The following RAMP2 variants were observed in gnomAD, a reference collection of about 807,000 sequenced individuals.
RAMP2 encodes the protein receptor activity modifying protein 2, also known as receptor activity-modifying protein 2.
RAMP2 carries 11 observed loss-of-function variants against 18.2 expected under a neutral mutation model. The observed-to-expected ratio is 0.60, with a 90% CI of 0.38 to 1.00. The LOEUF is 1.00. Among genes scored for constraint, RAMP2 ranks in the 50% least tolerant of loss-of-function variants. The probability of loss-of-function intolerance (pLI) is 0.01; values close to 1 mark genes in which losing one functional copy is unlikely to be tolerated. For synonymous variants in RAMP2, 86 were observed against 90.8 expected (o/e 0.95, Z 0.30); for missense variants, 191 against 226.5 (o/e 0.84, Z 1.01).
chr17:42,761,282 G>C lies in RAMP2; in HGVS notation c.21G>C (p.Glu7Asp). The change falls in exon 1 of 4, where the codon GAG becomes GAC. Residue 7 changes from glutamate to aspartate, a missense_variant. Transcript: ENST00000253796. The surrounding 1 kb of genome is among the most constrained non-coding windows in gnomAD (Gnocchi z 4.2). ...GCACGATGGCCTCGCTCCGGGTGGA[G>C]CGCGCCGGCGGCCCGCGTCTCCCTA... Reference protein sequence around the residue: MASLRVERAGGPRLPRT... With the variant: MASLRVDRAGGPRLPRT... 1.5e-6 allele frequency: 2 copies of C among 1,354,914 alleles called. No homozygotes were observed. The highest frequency in any genetic ancestry group is 1.9e-6 in the Non-Finnish European group (2 of 1,052,360). The allele number at this position is 1,354,914 out of a possible 1,614,324, so 83.9% of individuals were successfully genotyped here. A position where few individuals can be genotyped will look rare whatever the true frequency, so the allele number is the denominator to read the frequency against.
At position 42,761,423 on chromosome 17, in the gene RAMP2, G is replaced by A; in HGVS notation, c.97+65G>A. 1 of 1,221,430 alleles carries A rather than the reference G, an allele frequency of 8.2e-7. No individual in the cohort carries two copies. Among genetic ancestry groups the A allele is most frequent in the African/African-American group, 1.6e-5 (1 of 62,514 alleles). The allele number at this position is 1,221,430 out of a possible 1,614,324, so 75.7% of individuals were successfully genotyped here. On this transcript the variant is annotated intron_variant, in intron 1 of 3. Coordinates refer to ENST00000253796, the MANE Select transcript of RAMP2 (RefSeq NM_005854.3). This position sits in a 1 kb window ranked among gnomAD's most constrained non-coding sequence, Gnocchi z 4.2. Reference sequence around the variant, plus strand: ...AGGCCCCGGAGGGGAGAGGGGAGAGGGGAGAGGGGCTGGATGGCCGAGGCC... The same window carrying A: ...AGGCCCCGGAGGGGAGAGGGGAGAGAGGAGAGGGGCTGGATGGCCGAGGCC...
At position 42,761,249 on chromosome 17, in the gene RAMP2, T is replaced by C. The variant is rs1597884857; in HGVS notation, c.-13T>C. Reference sequence around the variant, plus strand: ...CTCAGCGCCGCCGCCGCTCCTCGCCTCCTTGCTGCACGATGGCCTCGCTCC... The same window carrying C: ...CTCAGCGCCGCCGCCGCTCCTCGCCCCCTTGCTGCACGATGGCCTCGCTCC... On this transcript the variant is annotated 5_prime_UTR_variant, in exon 1 of 4. Transcript: ENST00000253796. This position sits in a 1 kb window ranked among gnomAD's most constrained non-coding sequence, Gnocchi z 4.2. 6.9e-7 allele frequency: 1 copy of C among 1,458,648 alleles called. No individual in the cohort carries two copies. The highest frequency in any genetic ancestry group is 9.0e-7 in the Non-Finnish European group (1 of 1,110,178). 90.4% of individuals were successfully genotyped at this position (1,458,648 alleles called of 1,614,324 possible). A position where few individuals can be genotyped will look rare whatever the true frequency, so the allele number is the denominator to read the frequency against.
rs529179833 is a variant in RAMP2, at chr17:42,761,754, C to G, written c.98-80C>G. ...CCAAGGTAGCCTATTTTCGGAGGGT[C>G]TCAGTCCCCCAACCCCCCTCGCAGG... On this transcript the variant is annotated intron_variant, in intron 1 of 3. Transcript: ENST00000253796. This position sits in a 1 kb window ranked among gnomAD's most constrained non-coding sequence, Gnocchi z 4.2. 59 of 1,240,346 alleles carry G rather than the reference C, an allele frequency of 4.8e-5. No individual in the cohort carries two copies. The African/African-American group carries it at 6.9e-4, about 14-fold the overall frequency. 76.8% of individuals were successfully genotyped at this position (1,240,346 alleles called of 1,614,324 possible). A position where few individuals can be genotyped will look rare whatever the true frequency, so the allele number is the denominator to read the frequency against.
chr17:42,761,772 C>G lies in RAMP2; in HGVS notation c.98-62C>G. The G allele has an allele frequency of 7.0e-7, 1 of 1,424,162 alleles. No individual in the cohort carries two copies. The highest frequency in any genetic ancestry group is 2.3e-5 in the East Asian group (1 of 43,498). 88.2% of individuals were successfully genotyped at this position (1,424,162 alleles called of 1,614,324 possible). On this transcript the variant is annotated intron_variant, in intron 1 of 3. Coordinates refer to ENST00000253796, the MANE Select transcript of RAMP2 (RefSeq NM_005854.3). This position sits in a 1 kb window ranked among gnomAD's most constrained non-coding sequence, Gnocchi z 4.2. ...GGAGGGTCTCAGTCCCCCAACCCCC[C>G]TCGCAGGCTCCACTGCCGGGGTCCC...
In RAMP2 at chr17:42,762,768, C is replaced by T. The variant is rs375082267; in HGVS notation, c.444C>T (p.Ala148=). The T allele has an allele frequency of 1.9e-6, 3 of 1,614,030 alleles. No homozygotes were observed. The highest frequency in any genetic ancestry group is 1.7e-5 in the Admixed American group (1 of 60,006). Residue 148 remains alanine (A), a synonymous_variant, in exon 4 of 4, where the codon GCC becomes GCT. Transcript: ENST00000253796. ...ACCCCCCAGAGGATGTACTCCTGGC[C>T]ATGATCATAGCCCCCATCTGCCTCA... is the stretch of plus-strand genomic sequence containing the variant. ...FSDPPEDVLL[A]MIIAPICLIP... is the part of the protein sequence containing the mutation.
chr17:42,762,531 T>A, intron 3 of RAMP2, 66 bp from the exon 4 acceptor site: 1 of 1,606,812 alleles, frequency 6.2e-7, no homozygotes, highest in Non-Finnish European at 8.5e-7. Flanking sequence ...AGACCCTGAG[T>A]GAGAGTGGGG....
chr17:42,762,323 G>C (rs754753365), intron 2 of RAMP2, 32 bp from the exon 3 acceptor site: 2 of 1,613,910 alleles, frequency 1.2e-6, no homozygotes, highest in South Asian at 1.1e-5. Flanking sequence ...AGGGGTAGGG[G>C]TGTGGTCATT....
At chr17:42,762,040 G>A (rs1206462826) in intron 2 of RAMP2, 141 bp downstream of exon 2, 10 of 923,778 alleles carry the variant, frequency 1.1e-5, no homozygotes, top group South Asian at 8.0e-5. Flanking sequence ...GGGGTTCCTC[G>A]TGGTCTTTCT....
At position 42,762,666 on chromosome 17, in the gene RAMP2, C is replaced by T; in HGVS notation, c.342C>T (p.Pro114=). 1 of 1,614,084 alleles carries T rather than the reference C, an allele frequency of 6.2e-7. No individual in the cohort carries two copies. Among genetic ancestry groups the T allele is most frequent in the Non-Finnish European group, 8.5e-7 (1 of 1,179,958 alleles). ...TGTTTGACCTGGGCTTCCCCAATCCCTTGGCAGAGAGGATCATCTTTGAGA... is the reference window on the plus strand; with the variant it reads ...TGTTTGACCTGGGCTTCCCCAATCCTTTGGCAGAGAGGATCATCTTTGAGA... ...AELFDLGFPN[P]LAERIIFETH... is the part of the protein sequence containing the mutation. Residue 114 remains proline (P), a synonymous_variant, in exon 4 of 4, where the codon CCC becomes CCT. Coordinates refer to ENST00000253796, the MANE Select transcript of RAMP2 (RefSeq NM_005854.3).
rs1165016178 is a variant in RAMP2, at chr17:42,762,439, G to C, written c.248G>C (p.Trp83Ser). ...CAAATGGATCCTATCGAAAAGGATT[G>C]GTGCGACTGGGCCATGATTAGCAGG... is the stretch of plus-strand genomic sequence containing the variant. Reference protein sequence around the residue: ...KDQMDPIEKDWCDWAMISRPY... With the variant: ...KDQMDPIEKDSCDWAMISRPY... The change falls in exon 3 of 4, where the codon TGG (tryptophan) becomes TCG (serine). Residue 83 changes from tryptophan to serine, a missense_variant. By Grantham distance (177) the Trp-to-Ser change is radical. Coordinates refer to ENST00000253796, the MANE Select transcript of RAMP2 (RefSeq NM_005854.3). 6.2e-7 allele frequency: 1 copy of C among 1,613,946 alleles called. No homozygotes were observed. The highest frequency in any genetic ancestry group is 1.3e-5 in the African/African-American group (1 of 74,892).
At position 42,762,681 on chromosome 17, in the gene RAMP2, C is replaced by A; in HGVS notation, c.357C>A (p.Ile119=). ...LGFPNPLAER[I]IFETHQIHFA... ...TCCCCAATCCCTTGGCAGAGAGGATCATCTTTGAGACTCACCAGATCCACT... is the reference window on the plus strand; with the variant it reads ...TCCCCAATCCCTTGGCAGAGAGGATAATCTTTGAGACTCACCAGATCCACT... The change falls in exon 4 of 4, where the codon ATC becomes ATA. Residue 119 remains isoleucine (I), a synonymous_variant. Transcript: ENST00000253796. 1 of 1,614,080 alleles carries A rather than the reference C, an allele frequency of 6.2e-7. No homozygotes were observed. The highest frequency in any genetic ancestry group is 8.5e-7 in the Non-Finnish European group (1 of 1,179,974).
In RAMP2 at chr17:42,761,742, T is replaced by C; in HGVS notation, c.98-92T>C. On this transcript the variant is annotated intron_variant, in intron 1 of 3. Transcript: ENST00000253796. The surrounding 1 kb of genome is among the most constrained non-coding windows in gnomAD (Gnocchi z 4.2). ...CCTCCTTTTCTTCCAAGGTAGCCTA[T>C]TTTCGGAGGGTCTCAGTCCCCCAAC... 9.1e-7 allele frequency: 1 copy of C among 1,095,922 alleles called. No homozygotes were observed. The highest frequency in any genetic ancestry group is 1.4e-6 in the Non-Finnish European group (1 of 728,258). 67.9% of individuals were successfully genotyped at this position (1,095,922 alleles called of 1,614,324 possible).
chr17:42,762,820 T>G lies in RAMP2; in HGVS notation c.496T>G (p.Trp166Gly). The G allele has an allele frequency of 6.2e-7, 1 of 1,612,008 alleles. No individual in the cohort carries two copies. Among genetic ancestry groups the G allele is most frequent in the Non-Finnish European group, 8.5e-7 (1 of 1,178,624 alleles). ...LIPFLITLVV[W>G]RSKDSEAQA ...CCCCTTCCTCATCACTCTTGTAGTA[T>G]GGAGGAGTAAAGACAGTGAGGCCCA... Residue 166 changes from tryptophan to glycine, a missense_variant, in exon 4 of 4, where the codon TGG (tryptophan) becomes GGG (glycine). Physicochemically the swap from Trp to Gly is radical, Grantham distance 184. Transcript: ENST00000253796.
rs1049376094 is a variant in RAMP2 at position 42,762,023 on chromosome 17, C to T, written c.163+124C>T. On this transcript the variant is annotated intron_variant, in intron 2 of 3. Coordinates refer to ENST00000253796, the MANE Select transcript of RAMP2 (RefSeq NM_005854.3). ...ATGCCCCACTACACTCCCCTCTGTT[C>T]TTTCTTGGGGTTCCTCGTGGTCTTT... 5.3e-5 allele frequency: 52 copies of T among 987,706 alleles called. No homozygotes were observed. In the African/African-American group the frequency reaches 7.7e-4, roughly 15 times the overall value. The allele number at this position is 987,706 out of a possible 1,614,324, so 61.2% of individuals were successfully genotyped here.
At position 42,761,228 on chromosome 17, in the gene RAMP2, GCGC is replaced by G; in HGVS notation, c.-24_-22del. On this transcript the variant is annotated 5_prime_UTR_variant, in exon 1 of 4. Coordinates refer to ENST00000253796, the MANE Select transcript of RAMP2 (RefSeq NM_005854.3). The surrounding 1 kb of genome is among the most constrained non-coding windows in gnomAD (Gnocchi z 4.2). ...CGCCCCCACACCCGGGCCCGGCTCA[GCGC>G]CGCCGCCGCTCCTCGCCTCCTTGCT... 8 of 1,416,272 alleles carry G rather than the reference GCGC, an allele frequency of 5.6e-6. No homozygotes were observed. Among genetic ancestry groups the G allele is most frequent in the Admixed American group, 5.0e-5 (2 of 40,004 alleles). 87.7% of individuals were successfully genotyped at this position (1,416,272 alleles called of 1,614,324 possible). A position where few individuals can be genotyped will look rare whatever the true frequency, so the allele number is the denominator to read the frequency against.
chr17:42,761,367 G>A lies in RAMP2; in HGVS notation c.97+9G>A, dbSNP rs1195226646. ...CCTCCTCCTGCTGGGCGGTGAGCGC[G>A]GCGCCCCGAGGCCCGGGCGGGAGGC... On this transcript the variant is annotated intron_variant, in intron 1 of 3. Coordinates refer to ENST00000253796, the MANE Select transcript of RAMP2 (RefSeq NM_005854.3). The surrounding 1 kb of genome is among the most constrained non-coding windows in gnomAD (Gnocchi z 4.2). 7.6e-7 allele frequency: 1 copy of A among 1,323,346 alleles called. No individual in the cohort carries two copies. Among genetic ancestry groups the A allele is most frequent in the South Asian group, 2.1e-5 (1 of 48,710 alleles). 82.0% of individuals were successfully genotyped at this position (1,323,346 alleles called of 1,614,324 possible).
In RAMP2 at chr17:42,761,975, C is replaced by T. The variant is rs2054368218; in HGVS notation, c.163+76C>T. ...TTCAGTGGGGAGGGTTCCTTTCCCACGAGGCCTGCCCAACCCCAGCTGATG... is the reference window on the plus strand; with the variant it reads ...TTCAGTGGGGAGGGTTCCTTTCCCATGAGGCCTGCCCAACCCCAGCTGATG... On this transcript the variant is annotated intron_variant, in intron 2 of 3. Coordinates refer to ENST00000253796, the MANE Select transcript of RAMP2 (RefSeq NM_005854.3). This position sits in a 1 kb window ranked among gnomAD's most constrained non-coding sequence, Gnocchi z 4.2. 5.1e-6 allele frequency: 7 copies of T among 1,363,326 alleles called. No homozygotes were observed. Among genetic ancestry groups the T allele is most frequent in the East Asian group, 2.5e-5 (1 of 40,420 alleles). 84.5% of individuals were successfully genotyped at this position (1,363,326 alleles called of 1,614,324 possible).
rs769611951 is a variant in RAMP2 at position 42,761,793 on chromosome 17, G to T, written c.98-41G>T. The T allele has an allele frequency of 6.6e-7, 1 of 1,520,390 alleles. No individual in the cohort carries two copies. Among genetic ancestry groups the T allele is most frequent in the African/African-American group, 1.4e-5 (1 of 72,688 alleles). 94.2% of individuals were successfully genotyped at this position (1,520,390 alleles called of 1,614,324 possible). A position where few individuals can be genotyped will look rare whatever the true frequency, so the allele number is the denominator to read the frequency against. On this transcript the variant is annotated intron_variant, in intron 1 of 3. Transcript: ENST00000253796. This position sits in a 1 kb window ranked among gnomAD's most constrained non-coding sequence, Gnocchi z 4.2. ...CCCCCTCGCAGGCTCCACTGCCGGG[G>T]TCCCCGCTATGTTACCCTCCTCTCC...
At position 42,762,593 on chromosome 17, in the gene RAMP2, C is replaced by T; in HGVS notation, c.273-4C>T. ...CTCTCACTCAAGTCCTCTTCTGCCC[C>T]TAGGCCTTATAGCACCCTGCGAGAT... On this transcript the variant is annotated splice_region_variant and splice_polypyrimidine_tract_variant and intron_variant, in intron 3 of 3. Transcript: ENST00000253796. 1 of 1,611,334 alleles carries T rather than the reference C, an allele frequency of 6.2e-7. No individual in the cohort carries two copies. The highest frequency in any genetic ancestry group is 8.5e-7 in the Non-Finnish European group (1 of 1,177,844).
Sources: gnomAD v4.1 joint callset for allele counts on GRCh38, gnomAD v4.1.1 for gene constraint, Gnocchi (gnomAD v3.1) non-coding constraint, MANE v1.5 for transcripts, NCBI Gene and HGNC (gene_info 2026-07-23, HGNC 2026-07-21) for gene names.